GON4L: variants seen among roughly 807,000 people sequenced by gnomAD.
The protein encoded by GON4L is gon-4 like.
In GON4L, 87 loss-of-function variants were observed where a neutral mutation model predicts 211.8. That is an observed-to-expected ratio of 0.41 (90% confidence interval 0.35 to 0.49). The LOEUF (loss-of-function observed/expected upper bound fraction) is 0.49, where lower values mean the gene tolerates loss of function less well. Ranked by LOEUF, GON4L falls within the 20% of genes least tolerant of loss-of-function variation. GON4L has a pLI of 0.15. For synonymous variants in GON4L, 875 were observed against 962.6 expected, an observed-to-expected ratio of 0.91 and a Z score of 1.68; for missense variants, 2,155 against 2,659.5, an observed-to-expected ratio of 0.81 and a Z score of 4.17.
chr1:155,843,325 T>C (rs899236454), intron 2 of GON4L, among the ~76,000 whole-genome samples: 1 of 152,130 alleles, frequency 6.6e-6, no homozygotes, highest in Non-Finnish European at 1.5e-5. Context: ...ACCCTCAGGA[T>C]AGAGAGCATC....
At position 155,773,222 on chromosome 1, in the gene GON4L, T is replaced by C; in HGVS notation, c.2351-12A>G. 1.2e-6 allele frequency: 2 copies of C among 1,613,868 alleles called. No homozygotes were observed. Among genetic ancestry groups the C allele is most frequent in the Non-Finnish European group, 8.5e-7 (1 of 1,179,884 alleles). ...GGGAAATTCATTCGCTATAAGAAAATAAATCTCGGATAAATCAACTTCTAG... is the reference window on the plus strand; with the variant it reads ...GGGAAATTCATTCGCTATAAGAAAACAAATCTCGGATAAATCAACTTCTAG... On this transcript the variant is annotated splice_polypyrimidine_tract_variant and intron_variant, in intron 17 of 31. Transcript: ENST00000368331.
chr1:155,788,779 G>T (rs1337381996), intron 12 of GON4L, among the ~76,000 whole-genome samples: 2 of 151,934 alleles, frequency 1.3e-5, no homozygotes, highest in Admixed American at 1.3e-4. Flanking sequence ...TCTAAAACTG[G>T]CAAACATAAC....
intron 2 of GON4L, among the ~76,000 whole-genome samples, chr1:155,844,029 C>T (rs944840331): frequency 6.6e-6 from 1 of 152,202 alleles, no homozygotes; most frequent in African/African-American, 2.4e-5. Flanking sequence ...ATTATCCCTT[C>T]AGGGGGTATC....
Position 155,828,980 on chromosome 1 carries a change from T to C in GON4L, c.506-1952A>G, listed in dbSNP as rs79955798. On this transcript the variant is annotated intron_variant, in intron 2 of 31. Coordinates refer to ENST00000368331, the MANE Select transcript of GON4L (RefSeq NM_001282860.2). ...TGAAAGGATGCCTAAATTTTCACTG[T>C]GTACTTTTTATATTTCTGAATTTTT... Among the ~76,000 whole-genome samples the C allele has an allele frequency of 2.6e-5, 4 of 152,208 alleles. No homozygotes were observed. The East Asian group carries it at 7.7e-4, about 29-fold the overall frequency.
At chr1:155,791,914 T>TAACAC (rs1665622215) in intron 12 of GON4L, among the ~76,000 whole-genome samples, 1 of 124,802 alleles carries the variant, frequency 8.0e-6, no homozygotes, top group Admixed American at 7.7e-5. Context: ...TAACATAACA[T>TAACAC]AACATAACAT....
At position 155,780,303 on chromosome 1, in the gene GON4L, A is replaced by C. The variant is rs533288273; in HGVS notation, c.1893-2483T>G. Among the ~76,000 whole-genome samples, 191 of 152,210 alleles carry C rather than the reference A, an allele frequency of 1.3e-3. 1 individual carries two copies. The highest frequency in any genetic ancestry group is 4.4e-3 in the African/African-American group (184 of 41,558). ...TCAGAATGACAATTATTAAAAGGTC[A>C]AGAAACAGTCGGGCGTGGTGGCTCA... On this transcript the variant is annotated intron_variant, in intron 14 of 31. Coordinates refer to ENST00000368331, the MANE Select transcript of GON4L (RefSeq NM_001282860.2).
At position 155,760,773 on chromosome 1, in the gene GON4L, G is replaced by A. The variant is rs1661704500; in HGVS notation, c.4912-132C>T. ...TCCATCAGAGGCTGTGCCTCCAACA[G>A]ATCTTAACATCTGACTGTTAATGGA... On this transcript the variant is annotated intron_variant, in intron 23 of 31. Coordinates refer to ENST00000368331, the MANE Select transcript of GON4L (RefSeq NM_001282860.2). The A allele has an allele frequency of 1.3e-5, 8 of 629,674 alleles. No individual in the cohort carries two copies. In the South Asian group the frequency reaches 1.5e-4, roughly 12 times the overall value. The allele number at this position is 629,674 out of a possible 1,614,324, so 39.0% of individuals were successfully genotyped here.
chr1:155,842,368 C>T (rs1016078821), intron 2 of GON4L, among the ~76,000 whole-genome samples: 3 of 150,566 alleles, frequency 2.0e-5, no homozygotes, highest in Non-Finnish European at 4.4e-5. Context: ...ACTAAAAATA[C>T]AAAAAATTAG....
chr1:155,766,745 T>C, intron 20 of GON4L, 36 bp from the exon 21 acceptor site: 1 of 1,612,984 alleles, frequency 6.2e-7, no homozygotes, highest in African/African-American at 1.3e-5. Context: ...CCAGCATATG[T>C]CAGAATTTGG....
chr1:155,769,039 T>C (rs1662878303), intron 19 of GON4L, among the ~76,000 whole-genome samples: 1 of 151,938 alleles, frequency 6.6e-6, no homozygotes, highest in Admixed American at 6.6e-5. Flanking sequence ...TGCAGGGGAG[T>C]GATCCACGCT....
Position 155,752,248 on chromosome 1 carries a change from G to A in GON4L, c.6185C>T (p.Ala2062Val), listed in dbSNP as rs774453466. ...TTTCCCGGACACATGTCTTCTCCCT[G>A]CATCTCTGGTCTTTGAGGAAACAGG... ...LSPVSSKTRD[A>V]GRRHVSGKPD... Residue 2062 changes from alanine to valine, a missense_variant, in exon 30 of 32, where the codon GCA (alanine) becomes GTA (valine). This residue lies in a region of GON4L where 186 missense variants were observed against 308.1 expected (regional missense o/e 0.60). Transcript: ENST00000368331. 5 of 1,604,984 alleles carry A rather than the reference G, an allele frequency of 3.1e-6. No individual in the cohort carries two copies. Among genetic ancestry groups the A allele is most frequent in the African/African-American group, 1.3e-5 (1 of 74,626 alleles).
At chr1:155,745,730 G>A (rs1660232069), downstream of GON4L, 2 of 1,045,372 alleles carry the variant, frequency 1.9e-6, no homozygotes, top group African/African-American at 1.6e-5. Flanking sequence ...GGACCAATAA[G>A]TCGCCAGTAT....
intron 28 of GON4L, 95 bp from the exon 29 acceptor site, chr1:155,753,509 A>G (rs1660833983): frequency 1.2e-6 from 1 of 853,868 alleles, no homozygotes; most frequent in South Asian, 1.6e-5. Flanking sequence ...ATGCTCATCA[A>G]GTCAACCCAC....
intron 11 of GON4L, among the ~76,000 whole-genome samples, chr1:155,803,112 T>A (rs1376108901): frequency 6.6e-6 from 1 of 152,212 alleles, no homozygotes; most frequent in Non-Finnish European, 1.5e-5. Context: ...CTCAAACATT[T>A]GCCAAATGAT....
At chr1:155,775,785 T>C (rs1023312940) in intron 16 of GON4L, among the ~76,000 whole-genome samples, 1 of 152,000 alleles carries the variant, frequency 6.6e-6, no homozygotes, top group Non-Finnish European at 1.5e-5. Flanking sequence ...ACTTTTATTT[T>C]ATTTATTTAT....
chr1:155,760,638 G>C lies in GON4L; in HGVS notation c.4915C>G (p.Arg1639Gly). The C allele has an allele frequency of 6.2e-7, 1 of 1,602,988 alleles. No homozygotes were observed. Among genetic ancestry groups the C allele is most frequent in the Non-Finnish European group, 8.5e-7 (1 of 1,170,014 alleles). Residue 1639 changes from arginine (R) to glycine (G), a missense_variant, in exon 24 of 32, where the codon CGA (arginine) becomes GGA (glycine). Arg to Gly is a moderately radical substitution (Grantham distance 125). Coordinates refer to ENST00000368331, the MANE Select transcript of GON4L (RefSeq NM_001282860.2). Reference sequence around the variant, plus strand: ...CCAGGGATATGTTGTAGGGCTTCTCGCACCTACACGGGAAGACTTTCAATC... The same window carrying C: ...CCAGGGATATGTTGTAGGGCTTCTCCCACCTACACGGGAAGACTTTCAATC... ...AFAQAYLTRV[R>G]EALQHIPGKY... is the part of the protein sequence containing the mutation.
intron 6 of GON4L, among the ~76,000 whole-genome samples, chr1:155,816,773 TAAAAAAAAAAAAA>T (rs34370558): frequency 6.4e-5 from 5 of 78,084 alleles, no homozygotes; most frequent in Non-Finnish European, 1.2e-4. Flanking sequence ...TTTTTTTTCT[TAAAAAAAAAAAAA>T]AAAAAAAAAG....
At chr1:155,784,240 G>T in intron 13 of GON4L, 151 bp from the exon 14 acceptor site, 1 of 1,084,408 alleles carries the variant, frequency 9.2e-7, no homozygotes, top group Non-Finnish European at 1.4e-6. Flanking sequence ...CTCACTTCAG[G>T]ATTCCCACAA....
At chr1:155,829,594 C>T (rs1272673853) in intron 2 of GON4L, among the ~76,000 whole-genome samples, 3 of 151,872 alleles carry the variant, frequency 2.0e-5, no homozygotes, top group Non-Finnish European at 4.4e-5. Flanking sequence ...CCAGCCTGGG[C>T]GACAGAGCGA....
Sources: allele counts gnomAD v4.1 joint callset (sites outside exome capture counted in the v4.1 genomes callset), GRCh38; gene constraint gnomAD v4.1.1; regional missense constraint gnomAD v4.1.1; transcripts MANE v1.5; gene names NCBI Gene and HGNC (gene_info 2026-07-23, HGNC 2026-07-21).